Variants in TBC1D16 observed in about 807,000 individuals in gnomAD.
TBC1D16 encodes the protein TBC1 domain family member 16.
A neutral mutation model predicts 74.7 loss-of-function variants in TBC1D16; 58 were observed. The observed-to-expected ratio is 0.78, with a 90% CI of 0.63 to 0.97. The LOEUF (loss-of-function observed/expected upper bound fraction) is 0.97, where lower values mean the gene tolerates loss of function less well. Among genes scored for constraint, TBC1D16 ranks in the 50% least tolerant of loss-of-function variants. The pLI, the probability that TBC1D16 is intolerant of heterozygous loss-of-function variation, is 0.00. For missense variants in TBC1D16, 1,014 were observed against 1,079.5 expected (o/e 0.94, Z 0.85); for synonymous variants, 493 against 474.7 (o/e 1.04, Z -0.50).
chr17:79,981,043 C>A lies in TBC1D16; in HGVS notation c.780-28225G>T, dbSNP rs1667595687. The stretch of plus-strand genomic sequence containing the variant: ...CCAACATCCTTTGATAAGACCTTGG[C>A]TACTCATTTATATTCATTTAAATTC... On this transcript the variant is annotated intron_variant, in intron 3 of 11. Transcript: ENST00000310924. This position sits in a 1 kb window ranked among gnomAD's most constrained non-coding sequence, Gnocchi z 6.9. Among the ~76,000 whole-genome samples the A allele has an allele frequency of 6.6e-6, 1 of 152,234 alleles. No homozygotes were observed. The highest frequency in any genetic ancestry group is 1.5e-5 in the Non-Finnish European group (1 of 68,038).
intron 3 of TBC1D16, among the ~76,000 whole-genome samples, chr17:80,005,753 C>T (rs2035649900): frequency 6.6e-6 from 1 of 152,148 alleles, no homozygotes; most frequent in South Asian, 2.1e-4. Flanking sequence ...TAGGTGGGCT[C>T]ACCTTCCAGC....
In TBC1D16 at chr17:79,994,720, G is replaced by A. The variant is rs941722434; in HGVS notation, c.779+15440C>T. Among the ~76,000 whole-genome samples, 8 of 152,102 alleles carry A rather than the reference G, an allele frequency of 5.3e-5. No homozygotes were observed. Among genetic ancestry groups the A allele is most frequent in the Admixed American group, 2.6e-4 (4 of 15,264 alleles). ...ATTACAGGCGTGAGCCATTGCGCCC[G>A]GCCGAGAATGTTTTTTCAAAAAAGC... is the stretch of plus-strand genomic sequence containing the variant. On this transcript the variant is annotated intron_variant, in intron 3 of 11. Coordinates refer to ENST00000310924, the MANE Select transcript of TBC1D16 (RefSeq NM_019020.4). This position sits in a 1 kb window ranked among gnomAD's most constrained non-coding sequence, Gnocchi z 4.6.
chr17:79,940,971 C>T lies in TBC1D16; in HGVS notation c.2192G>A (p.Gly731Asp), dbSNP rs1011889144. The T allele has an allele frequency of 6.2e-7, 1 of 1,605,714 alleles. No individual in the cohort carries two copies. The highest frequency in any genetic ancestry group is 8.5e-7 in the Non-Finnish European group (1 of 1,176,934). Residue 731 changes from glycine (G) to aspartate (D), a missense_variant, in exon 12 of 12, where the codon GGC (glycine) becomes GAC (aspartate). Physicochemically the swap from Gly to Asp is moderately conservative, Grantham distance 94. Transcript: ENST00000310924. This position sits in a 1 kb window ranked among gnomAD's most constrained non-coding sequence, Gnocchi z 5.4. ...PAVECTGHHP[G>D]SESCPYGGTV... Reference sequence around the variant, plus strand: ...GCCCCCGTAGGGACAGCTCTCCGAGCCGGGATGGTGGCCGGTGCACTCCAC... The same window carrying T: ...GCCCCCGTAGGGACAGCTCTCCGAGTCGGGATGGTGGCCGGTGCACTCCAC...
intron 3 of TBC1D16, among the ~76,000 whole-genome samples, chr17:79,962,941 A>G (rs2033680301): frequency 6.6e-6 from 1 of 151,994 alleles, no homozygotes; most frequent in African/African-American, 2.4e-5. Flanking sequence ...ATGAGCCTGT[A>G]ATCCCAGCTG....
rs1450162466 is a variant in TBC1D16, at chr17:80,035,777, CCGGGCCCCGAT to C, written c.-63+7_-63+17del. On this transcript the variant is annotated splice_region_variant and intron_variant, in intron 1 of 11. Coordinates refer to ENST00000310924, the MANE Select transcript of TBC1D16 (RefSeq NM_019020.4). The surrounding 1 kb of genome is among the most constrained non-coding windows in gnomAD (Gnocchi z 5.3). Reference sequence around the variant, plus strand: ...TCGGACCCCGCCCCCGCGGCCCCGTCCGGGCCCCGATACCCACCCGGGTCCCGCTGCGGGGG... The same window carrying C: ...TCGGACCCCGCCCCCGCGGCCCCGTCACCCACCCGGGTCCCGCTGCGGGGG... 6.8e-6 allele frequency: 1 copy of C among 147,020 alleles called. No homozygotes were observed. The highest frequency in any genetic ancestry group is 1.5e-5 in the Non-Finnish European group (1 of 66,006). 9.1% of individuals were successfully genotyped at this position (147,020 alleles called of 1,614,324 possible).
intron 1 of TBC1D16, among the ~76,000 whole-genome samples, chr17:80,033,022 G>A (rs575787154): frequency 2.3e-4 from 35 of 152,272 alleles, no homozygotes; most frequent in Non-Finnish European, 1.2e-4. Flanking sequence ...GTACACATAC[G>A]CACAAATAGT....
chr17:79,976,481 G>A (rs535106562), intron 3 of TBC1D16, among the ~76,000 whole-genome samples: 4 of 152,322 alleles, frequency 2.6e-5, no homozygotes, highest in African/African-American at 9.6e-5. Flanking sequence ...GTGTTTACAC[G>A]CCTGAAACGA....
intron 10 of TBC1D16, among the ~76,000 whole-genome samples, chr17:79,943,610 G>A (rs1001660483): frequency 6.8e-6 from 1 of 147,444 alleles, no homozygotes; most frequent in African/African-American, 2.5e-5. Context: ...CGAGGGATGG[G>A]ACCGACCGTG....
In TBC1D16 at chr17:79,985,303, C is replaced by A. The variant is rs576666386; in HGVS notation, c.779+24857G>T. On this transcript the variant is annotated intron_variant, in intron 3 of 11. Coordinates refer to ENST00000310924, the MANE Select transcript of TBC1D16 (RefSeq NM_019020.4). The surrounding 1 kb of genome is among the most constrained non-coding windows in gnomAD (Gnocchi z 4.9). ...TAATCCAGGAAGACCTCAACTGGAT[C>A]CTTCCCTTGATCCCATCAGCAAAGA... Among the ~76,000 whole-genome samples, 1 of 152,342 alleles carries A rather than the reference C, an allele frequency of 6.6e-6. No homozygotes were observed. Among genetic ancestry groups the A allele is most frequent in the South Asian group, 2.1e-4 (1 of 4,826 alleles).
intron 7 of TBC1D16, 138 bp from the exon 8 acceptor site, chr17:79,949,144 G>A (rs540404192): frequency 1.8e-6 from 2 of 1,096,720 alleles, no homozygotes; most frequent in South Asian, 2.9e-5. Flanking sequence ...GCCGGCTGCA[G>A]ACCCTCCCCG....
chr17:79,980,756 C>T lies in TBC1D16; in HGVS notation c.780-27938G>A, dbSNP rs999502738. Among the ~76,000 whole-genome samples, 4 of 152,220 alleles carry T rather than the reference C, an allele frequency of 2.6e-5. No individual in the cohort carries two copies. Among genetic ancestry groups the T allele is most frequent in the Admixed American group, 6.5e-5 (1 of 15,278 alleles). On this transcript the variant is annotated intron_variant, in intron 3 of 11. Transcript: ENST00000310924. The surrounding 1 kb of genome is among the most constrained non-coding windows in gnomAD (Gnocchi z 7.0). ...GCGCACCCCAACAGCAGAGACGTAA[C>T]GTGCAGGACTGACTGGTGCTTCCCA...
At chr17:79,951,745 G>C in intron 4 of TBC1D16, 148 bp from the exon 5 acceptor site, 1 of 975,078 alleles carries the variant, frequency 1.0e-6, no homozygotes, top group Non-Finnish European at 1.5e-6. Flanking sequence ...AGCGGGAGGG[G>C]ACAGAACTAC....
rs564948618 is a variant in TBC1D16 at position 79,978,136 on chromosome 17, C to T, written c.780-25318G>A. On this transcript the variant is annotated intron_variant, in intron 3 of 11. Coordinates refer to ENST00000310924, the MANE Select transcript of TBC1D16 (RefSeq NM_019020.4). The stretch of plus-strand genomic sequence containing the variant: ...GGGAGCGCCGACATCCCGCATGCAC[C>T]GAGACAGCCTGGCTTTTCCAGCCAG... Among the ~76,000 whole-genome samples, 14 of 152,314 alleles carry T rather than the reference C, an allele frequency of 9.2e-5. No individual in the cohort carries two copies. The South Asian group carries it at 1.0e-3, about 11-fold the overall frequency.
At chr17:80,024,356 CACAACA>C (rs2036411520) in intron 1 of TBC1D16, among the ~76,000 whole-genome samples, 1 of 5,554 alleles carries the variant, frequency 1.8e-4, no homozygotes. Flanking sequence ...CCATACCACA[CACAACA>C]CACACCACAG....
At chr17:79,957,513 C>G (rs1252383166) in intron 3 of TBC1D16, among the ~76,000 whole-genome samples, 1 of 152,116 alleles carries the variant, frequency 6.6e-6, no homozygotes, top group Non-Finnish European at 1.5e-5. Context: ...ACCATGGAGA[C>G]AGTGACAAGA....
At chr17:79,953,642 C>T (rs536776337) in intron 3 of TBC1D16, among the ~76,000 whole-genome samples, 1 of 152,358 alleles carries the variant, frequency 6.6e-6, no homozygotes, top group South Asian at 2.1e-4. Flanking sequence ...TTCAGCAGTA[C>T]AACCCCATTT....
rs977221572 is a variant in TBC1D16 at position 79,990,708 on chromosome 17, CT to C, written c.779+19451del. Among the ~76,000 whole-genome samples the C allele has an allele frequency of 2.0e-5, 3 of 152,300 alleles. No homozygotes were observed. Among genetic ancestry groups the C allele is most frequent in the Non-Finnish European group, 4.4e-5 (3 of 68,028 alleles). On this transcript the variant is annotated intron_variant, in intron 3 of 11. Coordinates refer to ENST00000310924, the MANE Select transcript of TBC1D16 (RefSeq NM_019020.4). This position sits in a 1 kb window ranked among gnomAD's most constrained non-coding sequence, Gnocchi z 4.8. ...ACCACCCATCTCCAGAACTCTCCTT[CT>C]TCCCAAACTGAAGCTTTGTCTCCAT...
chr17:79,940,237 C>T lies in TBC1D16; in HGVS notation c.*622G>A, dbSNP rs1225911531. On this transcript the variant is annotated 3_prime_UTR_variant, in exon 12 of 12. Coordinates refer to ENST00000310924, the MANE Select transcript of TBC1D16 (RefSeq NM_019020.4). The surrounding 1 kb of genome is among the most constrained non-coding windows in gnomAD (Gnocchi z 5.4). ...CGCCAGCTCCTCAAGCCTGACTGCT[C>T]TTCCGCCTCTCTATCCCCACATCGG... 2 of 152,250 alleles carry T rather than the reference C, an allele frequency of 1.3e-5. No homozygotes were observed. Among genetic ancestry groups the T allele is most frequent in the African/African-American group, 4.8e-5 (2 of 41,468 alleles). 9.4% of individuals were successfully genotyped at this position (152,250 alleles called of 1,614,324 possible).
At chr17:79,953,962 G>A (rs1285294180) in intron 3 of TBC1D16, among the ~76,000 whole-genome samples, 6 of 151,938 alleles carry the variant, frequency 3.9e-5, no homozygotes, top group Non-Finnish European at 8.8e-5. Flanking sequence ...TAGAGACGAG[G>A]TTTCACCATG....
Sources: allele counts gnomAD v4.1 joint callset (sites outside exome capture counted in the v4.1 genomes callset), GRCh38; gene constraint gnomAD v4.1.1; non-coding constraint Gnocchi (gnomAD v3.1); transcripts MANE v1.5; gene names NCBI Gene and HGNC (gene_info 2026-07-23, HGNC 2026-07-21).